RBMS3: variants seen among roughly 807,000 people sequenced by gnomAD.
RBMS3 encodes RNA binding motif single stranded interacting protein 3.
In RBMS3, 27 loss-of-function variants were observed where a neutral mutation model predicts 66.8. The observed-to-expected ratio is 0.40, with a 90% CI of 0.30 to 0.56. RBMS3 has a LOEUF of 0.56. Ranked by LOEUF, RBMS3 falls within the 20% of genes least tolerant of loss-of-function variation. The pLI is 0.40. For synonymous variants in RBMS3, 188 were observed against 183.0 expected (o/e 1.03, Z -0.22); for missense variants, 513 against 549.5 (o/e 0.93, Z 0.66).
chr3:29,387,992 C>A (rs886399274), intron 1 of RBMS3, among the ~76,000 whole-genome samples: 1 of 152,078 alleles, frequency 6.6e-6, no homozygotes, highest in Non-Finnish European at 1.5e-5. Context: ...CTCCCACCCT[C>A]ATTTATCTGT....
chr3:29,468,707 CTTTTTCT>C (rs1404784322), intron 2 of RBMS3, among the ~76,000 whole-genome samples: 2 of 151,918 alleles, frequency 1.3e-5, no homozygotes, highest in African/African-American at 2.4e-5. Flanking sequence ...AATTGGCTTC[CTTTTTCT>C]TTTTTCTTTT....
intron 1 of RBMS3, among the ~76,000 whole-genome samples, chr3:29,299,560 C>T (rs2033528445): frequency 6.6e-6 from 1 of 151,440 alleles, no homozygotes; most frequent in South Asian, 2.1e-4. Flanking sequence ...CGGGTTCCAT[C>T]AAGTGGGGGT....
intron 4 of RBMS3, among the ~76,000 whole-genome samples, chr3:29,701,145 C>T (rs567473915): frequency 4.0e-4 from 61 of 152,128 alleles, no homozygotes; most frequent in Middle Eastern, 3.4e-3. Flanking sequence ...GACGTGGTGG[C>T]GGGCTCCTGT....
At position 30,008,964 on chromosome 3, in the gene RBMS3, C is replaced by G. The variant is rs1189658152; in HGVS notation, c.*5102C>G. ...TTTCTTTTATCATTGGCTTTATACT[C>G]TAACATATAGATACTCTCTATAGCA... On this transcript the variant is annotated 3_prime_UTR_variant, in exon 15 of 15. Transcript: ENST00000383767. 1 of 152,186 alleles carries G rather than the reference C, an allele frequency of 6.6e-6. No individual in the cohort carries two copies. Among genetic ancestry groups the G allele is most frequent in the African/African-American group, 2.4e-5 (1 of 41,536 alleles). 9.4% of individuals were successfully genotyped at this position (152,186 alleles called of 1,614,324 possible). A position where few individuals can be genotyped will look rare whatever the true frequency, so the allele number is the denominator to read the frequency against.
intron 6 of RBMS3, among the ~76,000 whole-genome samples, chr3:29,782,609 T>C (rs2056675610): frequency 2.6e-5 from 4 of 152,132 alleles, no homozygotes; most frequent in African/African-American, 9.7e-5. Flanking sequence ...TTTGGTAATA[T>C]GACAAAACAA....
intron 1 of RBMS3, among the ~76,000 whole-genome samples, chr3:29,369,487 A>AACACAC (rs59274434): frequency 0.026 from 3,560 of 135,264 alleles, 72 homozygotes; most frequent in East Asian, 0.057. Context: ...ATCACTCCTT[A>AACACAC]ACACACACAC....
Position 29,625,733 on chromosome 3 carries a change from TAA to T in RBMS3, c.399+38530_399+38531del, listed in dbSNP as rs1559518900. Among the ~76,000 whole-genome samples the T allele has an allele frequency of 1.8e-3, 265 of 150,574 alleles. 1 individual carries two copies. Among genetic ancestry groups the T allele is most frequent in the African/African-American group, 5.2e-3 (212 of 40,730 alleles). ...ATAAATAAATAAATAAATAAATAAA[TAA>T]ATAAAAATAATCTTTTCTTGGTGAA... is the stretch of plus-strand genomic sequence containing the variant. On this transcript the variant is annotated intron_variant, in intron 4 of 14. Coordinates refer to ENST00000383767, the MANE Select transcript of RBMS3 (RefSeq NM_001003793.3).
Position 29,768,106 on chromosome 3 carries a change from T to C in RBMS3, c.637+5117T>C, listed in dbSNP as rs76675105. Among the ~76,000 whole-genome samples, 976 of 152,108 alleles carry C rather than the reference T, an allele frequency of 6.4e-3. 19 individuals carry two copies. The highest frequency in any genetic ancestry group is 0.035 in the Admixed American group (537 of 15,244). ...ATCCCCAATTGGGTATCATTTTAGA[T>C]TTTTCACTGGAAAAATTTTTGTATT... is the stretch of plus-strand genomic sequence containing the variant. On this transcript the variant is annotated intron_variant, in intron 6 of 14. Coordinates refer to ENST00000383767, the MANE Select transcript of RBMS3 (RefSeq NM_001003793.3).
At chr3:29,838,208 G>A (rs1005481011) in intron 6 of RBMS3, among the ~76,000 whole-genome samples, 2 of 149,452 alleles carry the variant, frequency 1.3e-5, no homozygotes, top group African/African-American at 4.9e-5. Flanking sequence ...CTGTGATGGT[G>A]TGCACCTGAA....
chr3:29,283,718 G>A (rs1050400865), intron 1 of RBMS3, among the ~76,000 whole-genome samples: 3 of 152,140 alleles, frequency 2.0e-5, no homozygotes, highest in Non-Finnish European at 4.4e-5. Flanking sequence ...CAGGATAGTA[G>A]GGAATATAAG....
At chr3:29,769,328 T>G (rs1000148511) in intron 6 of RBMS3, among the ~76,000 whole-genome samples, 2 of 151,710 alleles carry the variant, frequency 1.3e-5, no homozygotes, top group Non-Finnish European at 2.9e-5. Flanking sequence ...GAAGGTGAGG[T>G]GCAGGCACAG....
intron 6 of RBMS3, among the ~76,000 whole-genome samples, chr3:29,860,684 T>C (rs1270160130): frequency 6.6e-6 from 1 of 152,208 alleles, no homozygotes; most frequent in East Asian, 1.9e-4. Context: ...GTGCCAGTAT[T>C]AGTTGGTATT....
chr3:29,413,379 TACATACATACATAC>T (rs2040354141), intron 1 of RBMS3, among the ~76,000 whole-genome samples: 1 of 100,608 alleles, frequency 9.9e-6, no homozygotes, highest in Non-Finnish European at 2.3e-5. Flanking sequence ...CATTCATACA[TACATACATACATAC>T]ATACATACAT....
At chr3:29,734,307 G>T (rs973484784) in intron 4 of RBMS3, among the ~76,000 whole-genome samples, 1 of 151,954 alleles carries the variant, frequency 6.6e-6, no homozygotes, top group South Asian at 2.1e-4. Context: ...CAGCTAGTGA[G>T]GATAAATAAG....
chr3:29,757,899 G>A (rs1318584245), intron 5 of RBMS3, among the ~76,000 whole-genome samples: 1 of 152,058 alleles, frequency 6.6e-6, no homozygotes, highest in Non-Finnish European at 1.5e-5. Flanking sequence ...TCTGTTCCAG[G>A]ATCCAATCCA....
Position 30,009,167 on chromosome 3 carries a change from A to G in RBMS3, c.*5305A>G, listed in dbSNP as rs1699887712. 6.6e-6 allele frequency: 1 copy of G among 152,132 alleles called. No individual in the cohort carries two copies. The highest frequency in any genetic ancestry group is 6.5e-5 in the Admixed American group (1 of 15,268). 9.4% of individuals were successfully genotyped at this position (152,132 alleles called of 1,614,324 possible). A position where few individuals can be genotyped will look rare whatever the true frequency, so the allele number is the denominator to read the frequency against. On this transcript the variant is annotated 3_prime_UTR_variant, in exon 15 of 15. Transcript: ENST00000383767. ...GAGTCATACTTGAGCTTTTCTTACT[A>G]CTGCCCCAATTTCTAAATTGTGCAT...
chr3:29,499,044 C>A (rs1056000835), intron 3 of RBMS3, among the ~76,000 whole-genome samples: 4 of 152,034 alleles, frequency 2.6e-5, no homozygotes, highest in Admixed American at 1.3e-4. Flanking sequence ...CAAATTCCAT[C>A]GCAGTGACAG....
At chr3:29,593,164 T>TA (rs144909642) in intron 4 of RBMS3, among the ~76,000 whole-genome samples, 21 of 151,886 alleles carry the variant, frequency 1.4e-4, no homozygotes, top group Admixed American at 9.2e-4. Flanking sequence ...TAAAGTATAA[T>TA]AAAAAAAGGA....
At chr3:29,418,048 G>A (rs6791928) in intron 1 of RBMS3, among the ~76,000 whole-genome samples, 9 of 151,598 alleles carry the variant, frequency 5.9e-5, no homozygotes, top group African/African-American at 1.9e-4. Flanking sequence ...TTCCCCTTTG[G>A]GTCTTCAATA....
Sources: allele counts gnomAD v4.1 joint callset (sites outside exome capture counted in the v4.1 genomes callset), GRCh38; gene constraint gnomAD v4.1.1; transcripts MANE v1.5; gene names NCBI Gene and HGNC (gene_info 2026-07-23, HGNC 2026-07-21).